The following N4BP2 variants were observed in gnomAD, a reference collection of about 807,000 sequenced individuals.
N4BP2 encodes NEDD4 binding protein 2.
N4BP2 carries 91 observed loss-of-function variants against 152.8 expected under a neutral mutation model. The ratio of observed to expected loss-of-function variants is 0.60; its 90% CI spans 0.50 to 0.71. The LOEUF (loss-of-function observed/expected upper bound fraction) is 0.71. Ranked by LOEUF, N4BP2 falls within the 30% of genes least tolerant of loss-of-function variation. The pLI is 0.00. For synonymous variants in N4BP2, 646 were observed against 705.3 expected (o/e 0.92, Z 1.33); for missense variants, 1,923 against 2,059.1 (o/e 0.93, Z 1.28).
the N4BP2 span, among the ~76,000 whole-genome samples, chr4:40,164,230 G>A: frequency 6.6e-6 from 1 of 152,096 alleles, no homozygotes; most frequent in Non-Finnish European, 1.5e-5. Context: ...GTATAGTTGA[G>A]GAAAGAACAG....
chr4:40,075,020 GTAAA>G (rs1712586650), intron 2 of N4BP2, among the ~76,000 whole-genome samples: 1 of 151,308 alleles, frequency 6.6e-6, no homozygotes. Context: ...AAAAAAAAAA[GTAAA>G]TAAATAAAAA....
chr4:40,165,157 G>T, the N4BP2 span, among the ~76,000 whole-genome samples: 1 of 151,926 alleles, frequency 6.6e-6, no homozygotes, highest in African/African-American at 2.4e-5. Context: ...TATATTTCTT[G>T]GTTCCTGTCC....
the N4BP2 span, chr4:40,167,258 C>T: frequency 3.9e-5 from 6 of 152,008 alleles, no homozygotes; most frequent in African/African-American, 1.4e-4. Flanking sequence ...GAGTGAAATA[C>T]AAGAGAAAAG....
chr4:40,109,625 G>A (rs1716678021), intron 5 of N4BP2, among the ~76,000 whole-genome samples: 1 of 152,012 alleles, frequency 6.6e-6, no homozygotes, highest in African/African-American at 2.4e-5. Context: ...GGCTGAGGCA[G>A]GAGAATTGCT....
chr4:40,092,688 G>A (rs1560585505), intron 2 of N4BP2, among the ~76,000 whole-genome samples: 1 of 148,824 alleles, frequency 6.7e-6, no homozygotes, highest in Non-Finnish European at 1.5e-5. Flanking sequence ...CTGTTGCCCA[G>A]GCTGGAGTGC....
At chr4:40,148,478 G>C (rs1293624312) in intron 16 of N4BP2, among the ~76,000 whole-genome samples, 7 of 149,496 alleles carry the variant, frequency 4.7e-5, no homozygotes, top group African/African-American at 1.7e-4. Flanking sequence ...GAGAGGGAGA[G>C]GGGGAGGGGG....
In N4BP2 at chr4:40,155,683, A is replaced by G. The variant is rs757692226; in HGVS notation, c.*1446A>G. ...TTTTCAACATACATAATTTTAACAA[A>G]TAGTTTTGTTGCTTTTTGTTAAGCT... On this transcript the variant is annotated 3_prime_UTR_variant, in exon 18 of 18. Transcript: ENST00000261435. 8 of 152,196 alleles carry G rather than the reference A, an allele frequency of 5.3e-5. No individual in the cohort carries two copies. The highest frequency in any genetic ancestry group is 1.0e-4 in the Non-Finnish European group (7 of 68,028). 9.4% of individuals were successfully genotyped at this position (152,196 alleles called of 1,614,324 possible).
chr4:40,102,227 T>A lies in N4BP2; in HGVS notation c.382T>A (p.Ser128Thr). 1 of 1,614,010 alleles carries A rather than the reference T, an allele frequency of 6.2e-7. No individual in the cohort carries two copies. Among genetic ancestry groups the A allele is most frequent in the Non-Finnish European group, 8.5e-7 (1 of 1,179,966 alleles). Residue 128 changes from serine (S) to threonine (T), a missense_variant, in exon 4 of 18, where the codon TCA becomes ACA. By Grantham distance (58) the Ser-to-Thr change is moderately conservative. Coordinates refer to ENST00000261435, the MANE Select transcript of N4BP2 (RefSeq NM_018177.6). ...EKRPEEESED[S>T]KMDSFLDMQL... is the part of the protein sequence containing the mutation. ...ACGTCCTGAAGAAGAGAGTGAAGAT[T>A]CAAAAATGGATTCATTTTTGGACAT...
intron 2 of N4BP2, among the ~76,000 whole-genome samples, chr4:40,075,691 A>G (rs982478829): frequency 6.6e-6 from 1 of 151,718 alleles, no homozygotes; most frequent in Non-Finnish European, 1.5e-5. Flanking sequence ...CCACTGTGCC[A>G]GGCCTACACA....
At chr4:40,174,931 C>T in the N4BP2 span, among the ~76,000 whole-genome samples, 1 of 151,484 alleles carries the variant, frequency 6.6e-6, no homozygotes, top group South Asian at 2.1e-4. Flanking sequence ...CATTTGCTGC[C>T]ACGTGGGAAC....
chr4:40,173,106 C>T, the N4BP2 span, among the ~76,000 whole-genome samples: 1 of 152,084 alleles, frequency 6.6e-6, no homozygotes, highest in Admixed American at 6.5e-5. Context: ...TCATCTAACT[C>T]TACTATCACC....
intron 1 of N4BP2, among the ~76,000 whole-genome samples, chr4:40,063,514 A>C (rs1733813461): frequency 1.3e-5 from 2 of 152,192 alleles, no homozygotes; most frequent in South Asian, 4.1e-4. Flanking sequence ...TTACATGGCC[A>C]GGGATCTGTT....
the N4BP2 span, among the ~76,000 whole-genome samples, chr4:40,183,597 A>G: frequency 1.3e-5 from 2 of 152,158 alleles, no homozygotes; most frequent in African/African-American, 2.4e-5. Flanking sequence ...CGGCCTCCCA[A>G]AGTGCCGGGA....
At chr4:40,074,093 G>A (rs1712484326) in intron 2 of N4BP2, among the ~76,000 whole-genome samples, 1 of 149,156 alleles carries the variant, frequency 6.7e-6, no homozygotes, top group Non-Finnish European at 1.5e-5. Context: ...AGCCCTGCTT[G>A]TTTTTGCTTT....
Position 40,131,845 on chromosome 4 carries a change from A to G in N4BP2, c.4572A>G (p.Leu1524=), listed in dbSNP as rs148443048. The G allele has an allele frequency of 4.6e-4, 748 of 1,613,684 alleles. 1 individual carries two copies. In the African/African-American group the frequency reaches 8.2e-3, roughly 18 times the overall value. ...TTGAAAAAGATTGTGCCACTAAACTAAAGGAGAAGCAGCTCTTTAAGATAT... is the reference window on the plus strand; with the variant it reads ...TTGAAAAAGATTGTGCCACTAAACTGAAGGAGAAGCAGCTCTTTAAGATAT... ...LMFEKDCATK[L]KEKQLFKIFP... Residue 1524 remains leucine (L), a synonymous_variant, in exon 13 of 18, where the codon CTA becomes CTG. Transcript: ENST00000261435.
In N4BP2 at chr4:40,122,184, C is replaced by G. The variant is rs1481370998; in HGVS notation, c.4073C>G (p.Thr1358Ser). 2 of 1,613,744 alleles carry G rather than the reference C, an allele frequency of 1.2e-6. No homozygotes were observed. The highest frequency in any genetic ancestry group is 1.7e-6 in the Non-Finnish European group (2 of 1,179,764). Reference sequence around the variant, plus strand: ...GCTGGAGTTAGTGGGGAAGATAAAACCGAGATATTGAATCCCACTCCAGCG... The same window carrying G: ...GCTGGAGTTAGTGGGGAAGATAAAAGCGAGATATTGAATCCCACTCCAGCG... ...LSAGVSGEDK[T>S]EILNPTPAMA... Residue 1358 changes from threonine (T) to serine (S), a missense_variant, in exon 9 of 18, where the codon ACC (threonine) becomes AGC (serine). Physicochemically the swap from Thr to Ser is moderately conservative, Grantham distance 58. Coordinates refer to ENST00000261435, the MANE Select transcript of N4BP2 (RefSeq NM_018177.6).
chr4:40,190,003 T>A, the N4BP2 span, among the ~76,000 whole-genome samples: 1 of 152,176 alleles, frequency 6.6e-6, no homozygotes, highest in East Asian at 1.9e-4. Context: ...AGACTTTACA[T>A]TTTTCGTCTT....
the N4BP2 span, among the ~76,000 whole-genome samples, chr4:40,177,165 T>A: frequency 1.1e-4 from 17 of 152,094 alleles, no homozygotes; most frequent in Non-Finnish European, 2.1e-4. Flanking sequence ...TAGCTAAAGC[T>A]CAACTCTGAA....
At chr4:40,133,886 G>A (rs1305296314) in intron 13 of N4BP2, among the ~76,000 whole-genome samples, 1 of 152,090 alleles carries the variant, frequency 6.6e-6, no homozygotes, top group Non-Finnish European at 1.5e-5. Flanking sequence ...GCTCATTGCA[G>A]CCTTGACCTC....
Sources: gnomAD v4.1 joint callset for allele counts (sites outside exome capture counted in the v4.1 genomes callset) on GRCh38, gnomAD v4.1.1 for gene constraint, MANE v1.5 for transcripts, NCBI Gene and HGNC (gene_info 2026-07-23, HGNC 2026-07-21) for gene names.